The following GNAS variants were observed in gnomAD, a reference collection of about 807,000 sequenced individuals.
GNAS encodes protein ALEX.
A neutral mutation model predicts 54.5 loss-of-function variants in GNAS; 8 were observed. That is an observed-to-expected ratio of 0.15 (90% CI 0.09 to 0.26). The LOEUF is 0.26. Ranked by LOEUF, GNAS falls within the 10% of genes least tolerant of loss-of-function variation. The pLI, the probability that GNAS is intolerant of heterozygous loss-of-function variation, is 1.00. For synonymous variants in GNAS, 204 were observed against 191.4 expected, an observed-to-expected ratio of 1.07 and a Z score of -0.54; for missense variants, 170 against 529.8, an observed-to-expected ratio of 0.32 and a Z score of 6.67.
At chr20:58,851,850 C>A (rs2145547614) in intron 1 of GNAS, among the ~76,000 whole-genome samples, 1 of 152,298 alleles carries the variant, frequency 6.6e-6, no homozygotes, top group East Asian at 1.9e-4. Flanking sequence ...TGTAGTGGGG[C>A]TAAAGGAGCT....
upstream of GNAS, chr20:58,889,445 G>T (rs1369229880): frequency 1.3e-6 from 1 of 783,598 alleles, no homozygotes; most frequent in Non-Finnish European, 1.5e-6. Flanking sequence ...AGGGGCGCCC[G>T]GGCGCCGCTG....
chr20:58,855,666 A>C (rs1300517315), intron 1 of GNAS: 2 of 553,126 alleles, frequency 3.6e-6, no homozygotes, highest in East Asian at 4.0e-5. Flanking sequence ...ACTGCCGGGG[A>C]GGGGCCCCGG....
Position 58,909,688 on chromosome 20 carries a change from G to T in GNAS, c.723G>T (p.Val241=). The change falls in exon 10 of 13, where the codon GTG becomes GTT. Residue 241 remains valine (V), a synonymous_variant. Coordinates refer to ENST00000371085, the MANE Select transcript of GNAS (RefSeq NM_000516.7). This position sits in a 1 kb window ranked among gnomAD's most constrained non-coding sequence, Gnocchi z 7.3. ...RRKWIQCFND[V]TAIIFVVASS... Reference sequence around the variant, plus strand: ...GCTTTGCTCTCTTTGGTTAAGATGTGACTGCCATCATCTTCGTGGTGGCCA... The same window carrying T: ...GCTTTGCTCTCTTTGGTTAAGATGTTACTGCCATCATCTTCGTGGTGGCCA... The T allele has an allele frequency of 6.2e-7, 1 of 1,614,122 alleles. No homozygotes were observed. The highest frequency in any genetic ancestry group is 1.1e-5 in the South Asian group (1 of 91,066).
At chr20:58,905,573 G>A in intron 6 of GNAS, 93 bp downstream of exon 6, 1 of 796,564 alleles carries the variant, frequency 1.3e-6, no homozygotes, top group Non-Finnish European at 2.2e-6. Context: ...GTTACTTGTT[G>A]ATGATTCCTT....
chr20:58,855,186 C>G (rs2086414437), intron 1 of GNAS: 1 of 1,607,872 alleles, frequency 6.2e-7, no homozygotes, highest in African/African-American at 1.3e-5. Context: ...GAAGGTACCC[C>G]TGGCGGAGAA....
At chr20:58,895,526 G>A in intron 1 of GNAS, 86 bp from the exon 2 acceptor site, 2 of 837,564 alleles carry the variant, frequency 2.4e-6, no homozygotes. Flanking sequence ...TGCTTCTATG[G>A]AAAAACAAAA....
intron 1 of GNAS, among the ~76,000 whole-genome samples, chr20:58,858,035 G>A (rs2086588999): frequency 6.6e-6 from 1 of 152,146 alleles, no homozygotes; most frequent in Admixed American, 6.6e-5. Flanking sequence ...GTCAAAGCAG[G>A]CTACAGTTTT....
At chr20:58,882,690 CTCTT>C (rs1329909847) in intron 1 of GNAS, among the ~76,000 whole-genome samples, 8 of 152,196 alleles carry the variant, frequency 5.3e-5, no homozygotes, top group Non-Finnish European at 1.0e-4. Flanking sequence ...CACCTATTAA[CTCTT>C]TCAGGATTTC....
rs1283357890 is a variant in GNAS at position 58,863,868 on chromosome 20, T to G, written c.43+22982T>G. ...TTTTTACAGGGAACCTGCATTCAGG[T>G]AAGTTTGAAGCTGTGGGATATTTGA... On this transcript the variant is annotated intron_variant, in intron 1 of 12. Transcript: ENST00000306090. This position sits in a 1 kb window ranked among gnomAD's most constrained non-coding sequence, Gnocchi z 4.1. 1 of 152,656 alleles carries G rather than the reference T, an allele frequency of 6.6e-6. No individual in the cohort carries two copies. Among genetic ancestry groups the G allele is most frequent in the Non-Finnish European group, 1.5e-5 (1 of 68,046 alleles). 9.5% of individuals were successfully genotyped at this position (152,656 alleles called of 1,614,324 possible). A position where few individuals can be genotyped will look rare whatever the true frequency, so the allele number is the denominator to read the frequency against.
intron 1 of GNAS, among the ~76,000 whole-genome samples, chr20:58,893,733 C>T (rs1483348331): frequency 2.6e-5 from 4 of 152,168 alleles, no homozygotes; most frequent in Non-Finnish European, 5.9e-5. Flanking sequence ...TATTAGTATG[C>T]GTATAACTTG....
At position 58,841,836 on chromosome 20, in the gene GNAS, A is replaced by T. The variant is rs552293744; in HGVS notation, c.43+950A>T. On this transcript the variant is annotated intron_variant, in intron 1 of 12. Coordinates refer to the GNAS transcript ENST00000306090. The surrounding 1 kb of genome is among the most constrained non-coding windows in gnomAD (Gnocchi z 5.0). ...AGGAGACGTCCTGGGCTGTTTGCGC[A>T]GGACCTCTGGAGGCCCTCGAGATCG... 9.5e-5 allele frequency: 117 copies of T among 1,230,970 alleles called. No individual in the cohort carries two copies. In the South Asian group the frequency reaches 4.0e-3, roughly 43 times the overall value. 76.3% of individuals were successfully genotyped at this position (1,230,970 alleles called of 1,614,324 possible).
At chr20:58,886,912 C>T (rs765714439), upstream of GNAS, among the ~76,000 whole-genome samples, 2 of 152,212 alleles carry the variant, frequency 1.3e-5, no homozygotes, top group Admixed American at 6.5e-5. Context: ...TAGGTGAAAC[C>T]TACACTTAAA....
At chr20:58,854,184 C>T (rs1057524198) in intron 1 of GNAS, 5 of 1,612,876 alleles carry the variant, frequency 3.1e-6, no homozygotes, top group East Asian at 2.2e-5. Context: ...GATCTCCGGA[C>T]CCCCGTTCGA....
At chr20:58,843,164 C>A (rs1396692561) in intron 1 of GNAS, among the ~76,000 whole-genome samples, 1 of 151,966 alleles carries the variant, frequency 6.6e-6, no homozygotes, top group East Asian at 1.9e-4. Context: ...CTGTTACCTA[C>A]CGGCACACAC....
At chr20:58,866,852 AATAG>A (rs774741663) in intron 1 of GNAS, among the ~76,000 whole-genome samples, 2 of 152,208 alleles carry the variant, frequency 1.3e-5, no homozygotes, top group East Asian at 1.9e-4. Flanking sequence ...AAAATAAATA[AATAG>A]ATAGACAATG....
intron 1 of GNAS, chr20:58,842,502 C>T (rs1424263806): frequency 1.0e-5 from 4 of 398,462 alleles, no homozygotes; most frequent in African/African-American, 2.1e-5. Flanking sequence ...TTAGTTCTGC[C>T]GGGCTGCAGC....
intron 1 of GNAS, among the ~76,000 whole-genome samples, chr20:58,883,331 C>T (rs1254456453): frequency 2.6e-5 from 4 of 152,154 alleles, no homozygotes; most frequent in African/African-American, 7.2e-5. Flanking sequence ...CAAAAGGAGC[C>T]GTAATCTGAG....
At chr20:58,874,653 G>T (rs2087680957) in intron 1 of GNAS, among the ~76,000 whole-genome samples, 1 of 151,522 alleles carries the variant, frequency 6.6e-6, no homozygotes, top group Non-Finnish European at 1.5e-5. Context: ...CTTAGCTCCT[G>T]GCCTGCCCTC....
At chr20:58,894,119 CAT>C (rs1198612724) in intron 1 of GNAS, among the ~76,000 whole-genome samples, 2 of 152,168 alleles carry the variant, frequency 1.3e-5, no homozygotes, top group Non-Finnish European at 2.9e-5. Context: ...ATCTTAATGA[CAT>C]AAAAATTAAG....
Sources: allele counts gnomAD v4.1 joint callset (sites outside exome capture counted in the v4.1 genomes callset), GRCh38; gene constraint gnomAD v4.1.1; non-coding constraint Gnocchi (gnomAD v3.1); transcripts MANE v1.5; gene names NCBI Gene and HGNC (gene_info 2026-07-23, HGNC 2026-07-21).